Variants in MACROD2 observed in about 807,000 individuals in gnomAD.
MACROD2 encodes ADP-ribose glycohydrolase MACROD2.
MACROD2 carries 36 observed loss-of-function variants against 70.4 expected under a neutral mutation model. The observed-to-expected ratio is 0.51, with a 90% CI of 0.39 to 0.68. MACROD2 has a LOEUF of 0.68. MACROD2 is among the 30% of genes least tolerant of loss of function. MACROD2 has a pLI of 0.00. For missense variants in MACROD2, 496 were observed against 538.4 expected (o/e 0.92, Z 0.78); for synonymous variants, 172 against 178.8 (o/e 0.96, Z 0.30).
At chr20:14,146,959 A>C (rs1369312006) in intron 3 of MACROD2, among the ~76,000 whole-genome samples, 2 of 152,170 alleles carry the variant, frequency 1.3e-5, no homozygotes, top group East Asian at 3.9e-4. Flanking sequence ...TTGTATGTAT[A>C]TAGTAAGTTC....
chr20:14,998,112 A>G (rs1001791443), intron 5 of MACROD2, among the ~76,000 whole-genome samples: 1 of 152,196 alleles, frequency 6.6e-6, no homozygotes, highest in East Asian at 1.9e-4. Flanking sequence ...TTCCCTTTGA[A>G]TGCTTGGAAA....
chr20:15,032,281 G>A lies in MACROD2; in HGVS notation c.419-197659G>A, dbSNP rs150136009. 9.5e-3 allele frequency among the ~76,000 whole-genome samples: 1,450 copies of A among 152,274 alleles called. 21 individuals carry two copies. The highest frequency in any genetic ancestry group is 0.033 in the African/African-American group (1,364 of 41,554). On this transcript the variant is annotated intron_variant, in intron 5 of 17. Transcript: ENST00000684519. The stretch of plus-strand genomic sequence containing the variant: ...CTCCACCTGGGAACTCAGGGCTCCC[G>A]CCCCGCCAACTTGGTAGGGAGTGGG...
At chr20:15,883,011 T>G (rs527820960) in intron 9 of MACROD2, among the ~76,000 whole-genome samples, 73 of 151,480 alleles carry the variant, frequency 4.8e-4, no homozygotes, top group Middle Eastern at 3.4e-3. Flanking sequence ...CTTGGTTTCT[T>G]TACTACTGAC....
intron 7 of MACROD2, among the ~76,000 whole-genome samples, chr20:15,481,673 GA>G (rs1333393370): frequency 6.7e-6 from 1 of 150,270 alleles, no homozygotes; most frequent in Non-Finnish European, 1.5e-5. Context: ...TAAAGTCATA[GA>G]AAATAAACAT....
rs74330065 is a variant in MACROD2 at position 15,022,437 on chromosome 20, A to G, written c.419-207503A>G. Among the ~76,000 whole-genome samples the G allele has an allele frequency of 3.0e-4, 45 of 152,324 alleles. No individual in the cohort carries two copies. The East Asian group carries it at 8.7e-3, about 29-fold the overall frequency. Reference sequence around the variant, plus strand: ...TGGTGGTAGACTTTGATTTTGTATCATTAAAGTTGGATAGAACATATTTTA... The same window carrying G: ...TGGTGGTAGACTTTGATTTTGTATCGTTAAAGTTGGATAGAACATATTTTA... On this transcript the variant is annotated intron_variant, in intron 5 of 17. Coordinates refer to ENST00000684519, the MANE Select transcript of MACROD2 (RefSeq NM_001351661.2).
chr20:15,349,964 A>T (rs2078209867), intron 6 of MACROD2, among the ~76,000 whole-genome samples: 1 of 152,134 alleles, frequency 6.6e-6, no homozygotes, highest in Non-Finnish European at 1.5e-5. Context: ...TCCATCCTGA[A>T]GCAGTGTTCT....
Position 15,636,076 on chromosome 20 carries a change from G to GAAAA in MACROD2, c.645+136242_645+136245dup, listed in dbSNP as rs57402806. On this transcript the variant is annotated intron_variant, in intron 8 of 17. Transcript: ENST00000684519. ...GACAGAGCGAGGCTCCCTCTCAAAA[G>GAAAA]AAAAAAAAAAAAAAAAGAAAGAAAA... 2.3e-4 allele frequency among the ~76,000 whole-genome samples: 20 copies of GAAAA among 85,838 alleles called. 4 individuals carry two copies. The South Asian group carries it at 0.01, about 44-fold the overall frequency. The allele number at this position is 85,838 out of a possible 152,430, so 56.3% of individuals were successfully genotyped here.
At chr20:15,431,350 G>A (rs2046361416) in intron 6 of MACROD2, 55 bp from the exon 7 acceptor site, 1 of 1,475,372 alleles carries the variant, frequency 6.8e-7, no homozygotes, top group Non-Finnish European at 9.5e-7. Context: ...GAAAGATGAT[G>A]TTGCGTAGAG....
At position 14,569,811 on chromosome 20, in the gene MACROD2, A is replaced by G. The variant is rs943201037; in HGVS notation, c.301+76303A>G. On this transcript the variant is annotated intron_variant, in intron 4 of 17. Coordinates refer to ENST00000684519, the MANE Select transcript of MACROD2 (RefSeq NM_001351661.2). Reference sequence around the variant, plus strand: ...AGAGCTGTGAAAGAATTTGGATCCTAAGGGAAAAAAGTTTGGAAACCAACC... The same window carrying G: ...AGAGCTGTGAAAGAATTTGGATCCTGAGGGAAAAAAGTTTGGAAACCAACC... Among the ~76,000 whole-genome samples the G allele has an allele frequency of 2.0e-5, 3 of 151,904 alleles. No individual in the cohort carries two copies. In the East Asian group the frequency reaches 5.8e-4, roughly 29 times the overall value.
At chr20:15,313,097 A>T (rs1319179949) in intron 6 of MACROD2, among the ~76,000 whole-genome samples, 4 of 152,158 alleles carry the variant, frequency 2.6e-5, no homozygotes, top group Non-Finnish European at 5.9e-5. Context: ...ATCAGAAAAA[A>T]TTTTGTAATC....
chr20:14,765,903 C>T (rs932015922), intron 5 of MACROD2, among the ~76,000 whole-genome samples: 1 of 152,028 alleles, frequency 6.6e-6, no homozygotes, highest in Non-Finnish European at 1.5e-5. Context: ...TGCTGTACCA[C>T]AGACTTAAAG....
chr20:14,710,993 G>A (rs767175958), intron 5 of MACROD2, among the ~76,000 whole-genome samples: 4 of 152,152 alleles, frequency 2.6e-5, no homozygotes, highest in Admixed American at 6.5e-5. Flanking sequence ...TGGCATCTCC[G>A]AAATGGAGAT....
intron 5 of MACROD2, among the ~76,000 whole-genome samples, chr20:14,754,794 G>T (rs2071918252): frequency 1.5e-5 from 1 of 66,772 alleles, no homozygotes. Context: ...TAGGTAAAGT[G>T]ATTTTTTTTT....
At chr20:15,923,195 C>T (rs972872442) in intron 10 of MACROD2, among the ~76,000 whole-genome samples, 6 of 152,090 alleles carry the variant, frequency 3.9e-5, no homozygotes, top group Admixed American at 2.6e-4. Context: ...AAAACATACC[C>T]GAAACTGGGA....
At chr20:15,619,643 A>G in intron 8 of MACROD2, 1 of 400,450 alleles carries the variant, frequency 2.5e-6, no homozygotes, top group Non-Finnish European at 4.5e-6. Flanking sequence ...TAGTCTCCTG[A>G]GGCAAAGTAC....
At chr20:14,165,387 GTCAAGCAGGCTGACTTGC>G (rs1173295630) in intron 3 of MACROD2, among the ~76,000 whole-genome samples, 1 of 152,154 alleles carries the variant, frequency 6.6e-6, no homozygotes, top group Non-Finnish European at 1.5e-5. Context: ...GCTGATCTCA[GTCAAGCAGGCTGACTTGC>G]TTCCCTTTCC....
At chr20:14,370,666 GCTTTAA>G (rs2083314203) in intron 3 of MACROD2, among the ~76,000 whole-genome samples, 1 of 152,134 alleles carries the variant, frequency 6.6e-6, no homozygotes, top group African/African-American at 2.4e-5. Context: ...TAGAGAGCCA[GCTTTAA>G]CTTTAACTTT....
chr20:15,909,937 C>A (rs1003410700), intron 10 of MACROD2, among the ~76,000 whole-genome samples: 7 of 152,032 alleles, frequency 4.6e-5, no homozygotes, highest in Non-Finnish European at 8.8e-5. Flanking sequence ...GGTCTTAATA[C>A]CTACTTTGTA....
At chr20:14,563,577 C>T (rs1226784066) in intron 4 of MACROD2, among the ~76,000 whole-genome samples, 1 of 151,850 alleles carries the variant, frequency 6.6e-6, no homozygotes, top group Admixed American at 6.6e-5. Context: ...ATTGTTGGTT[C>T]ATATGCAGTT....
Sources: allele counts gnomAD v4.1 joint callset (sites outside exome capture counted in the v4.1 genomes callset), GRCh38; gene constraint gnomAD v4.1.1; transcripts MANE v1.5; gene names NCBI Gene and HGNC (gene_info 2026-07-23, HGNC 2026-07-21).